HELQ: variants seen among roughly 807,000 people sequenced by gnomAD.
HELQ encodes the protein helicase POLQ-like.
In HELQ, 77 loss-of-function variants were observed where a neutral mutation model predicts 111.6. The observed-to-expected ratio is 0.69, with a 90% CI of 0.57 to 0.83. HELQ has a LOEUF of 0.83. Ranked by LOEUF, HELQ falls within the 40% of genes least tolerant of loss-of-function variation. HELQ has a pLI of 0.00. For missense variants in HELQ, 1,200 were observed against 1,288.5 expected (o/e 0.93, Z 1.05); for synonymous variants, 438 against 454.7 (o/e 0.96, Z 0.47).
intron 1 of HELQ, chr4:83,455,148 T>C (rs1379694169): frequency 1.7e-6 from 1 of 591,348 alleles, no homozygotes; most frequent in Non-Finnish European, 2.8e-6. Context: ...GAGCTGCAGT[T>C]ATCTGGAAGC....
chr4:83,447,008 C>A lies in HELQ; in HGVS notation c.1219G>T (p.Glu407Ter). 6.2e-7 allele frequency: 1 copy of A among 1,613,174 alleles called. No homozygotes were observed. The highest frequency in any genetic ancestry group is 1.1e-5 in the South Asian group (1 of 91,046). ...KISGLSSFGI[E>*]LGFFVEEYAG... ...TATTCTTCAACAAAGAAACCGAGTT[C>A]TATACCAAAACTTGACAAACCTGAA... The change falls in exon 4 of 18, where the codon GAA becomes TAA. Residue 407 changes from glutamate to a stop codon, truncating the protein, a stop_gained. Transcript: ENST00000295488. LOFTEE classifies it high-confidence loss of function.
At chr4:83,448,022 C>T (rs938651601) in intron 3 of HELQ, among the ~76,000 whole-genome samples, 2 of 151,856 alleles carry the variant, frequency 1.3e-5, no homozygotes, top group Non-Finnish European at 2.9e-5. Context: ...CCAGCCTGTC[C>T]AACATGATGA....
intron 15 of HELQ, among the ~76,000 whole-genome samples, 176 bp downstream of exon 15, chr4:83,421,387 G>A (rs1008032750): frequency 2.0e-5 from 3 of 152,154 alleles, no homozygotes; most frequent in African/African-American, 4.8e-5. Context: ...CATAATAGTA[G>A]TTTCATAAAC....
chr4:83,455,700 G>T lies in HELQ; in HGVS notation c.-7C>A. The T allele has an allele frequency of 6.2e-7, 1 of 1,601,308 alleles. No homozygotes were observed. Among genetic ancestry groups the T allele is most frequent in the South Asian group, 1.1e-5 (1 of 91,032 alleles). On this transcript the variant is annotated 5_prime_UTR_variant, in exon 1 of 18. Transcript: ENST00000295488. ...GGGAACCACATTCATCCATGGCAAG[G>T]ACCCAGGGCCCTATTCAGACGTCGT...
At chr4:83,441,057 G>C (rs1720730412) in intron 7 of HELQ, among the ~76,000 whole-genome samples, 1 of 152,160 alleles carries the variant, frequency 6.6e-6, no homozygotes, top group African/African-American at 2.4e-5. Flanking sequence ...CACGGTACTT[G>C]CTTACAGCAA....
rs115431889 is a variant in HELQ, at chr4:83,422,075, A to C, written c.2776-339T>G. Among the ~76,000 whole-genome samples, 280 of 151,836 alleles carry C rather than the reference A, an allele frequency of 1.8e-3. 1 individual carries two copies. The highest frequency in any genetic ancestry group is 2.4e-3 in the Non-Finnish European group (161 of 67,930). ...GTCTCCACAAAAAAACAAACAAAAA[A>C]CGTGGCCGGGTGTGGTGGCGCGCAC... On this transcript the variant is annotated intron_variant, in intron 14 of 17. Coordinates refer to ENST00000295488, the MANE Select transcript of HELQ (RefSeq NM_133636.5).
chr4:83,444,955 A>G (rs1191915245), intron 5 of HELQ, among the ~76,000 whole-genome samples: 2 of 152,210 alleles, frequency 1.3e-5, no homozygotes, highest in Admixed American at 6.5e-5. Context: ...GGGTACACAG[A>G]AGAACTTGGT....
intron 15 of HELQ, among the ~76,000 whole-genome samples, chr4:83,419,651 A>C (rs1339438907): frequency 6.6e-6 from 1 of 151,726 alleles, no homozygotes; most frequent in East Asian, 1.9e-4. Context: ...GTCGCAATGA[A>C]AACAAAGGGA....
chr4:83,437,207 C>A, intron 8 of HELQ, 110 bp from the exon 9 acceptor site: 1 of 1,019,292 alleles, frequency 9.8e-7, no homozygotes, highest in East Asian at 2.4e-5. Flanking sequence ...TGTACTATTT[C>A]CATTGAGTTA....
chr4:83,420,353 G>A (rs1020063299), intron 15 of HELQ, among the ~76,000 whole-genome samples: 1 of 152,154 alleles, frequency 6.6e-6, no homozygotes. Context: ...GAGAATATGG[G>A]CCAGGCGTGG....
chr4:83,419,804 C>G (rs147223555), intron 15 of HELQ, among the ~76,000 whole-genome samples: 1,608 of 152,052 alleles, frequency 0.011, 24 homozygotes, highest in African/African-American at 0.037. Context: ...GGGGTATAAA[C>G]CAACATTTAA....
intron 9 of HELQ, among the ~76,000 whole-genome samples, chr4:83,436,345 G>C (rs1314014484): frequency 6.6e-6 from 1 of 152,082 alleles, no homozygotes; most frequent in Non-Finnish European, 1.5e-5. Flanking sequence ...TATAAAAATT[G>C]ATCATTTATT....
At position 83,426,151 on chromosome 4, in the gene HELQ, T is replaced by A. The variant is rs866022517; in HGVS notation, c.2677-59A>T. On this transcript the variant is annotated intron_variant, in intron 13 of 17. Coordinates refer to ENST00000295488, the MANE Select transcript of HELQ (RefSeq NM_133636.5). ...CAAAAAATCTGTCATGTGAACCAAATCCAGTATTTCTTTTGATATCACATT... is the reference window on the plus strand; with the variant it reads ...CAAAAAATCTGTCATGTGAACCAAAACCAGTATTTCTTTTGATATCACATT... 1.5e-4 allele frequency: 125 copies of A among 840,778 alleles called. No homozygotes were observed. In the African/African-American group the frequency reaches 1.7e-3, roughly 11 times the overall value. 52.1% of individuals were successfully genotyped at this position (840,778 alleles called of 1,614,324 possible).
intron 15 of HELQ, among the ~76,000 whole-genome samples, chr4:83,420,511 G>T (rs967160101): frequency 6.6e-6 from 1 of 151,838 alleles, no homozygotes; most frequent in Admixed American, 6.6e-5. Flanking sequence ...TTGGTTGGGC[G>T]CTGTGGCTCA....
intron 11 of HELQ, among the ~76,000 whole-genome samples, chr4:83,431,030 C>T (rs1720115403): frequency 6.6e-6 from 1 of 152,160 alleles, no homozygotes; most frequent in South Asian, 2.1e-4. Flanking sequence ...TCCAGATTCT[C>T]CACTGATGCC....
At chr4:83,438,111 A>G (rs922945309) in intron 8 of HELQ, among the ~76,000 whole-genome samples, 4 of 152,222 alleles carry the variant, frequency 2.6e-5, no homozygotes, top group African/African-American at 9.6e-5. Flanking sequence ...ATATTTTGCT[A>G]TTCAATAAAT....
intron 5 of HELQ, 76 bp downstream of exon 5, chr4:83,445,938 C>T: frequency 2.2e-6 from 2 of 926,988 alleles, no homozygotes; most frequent in Non-Finnish European, 3.5e-6. Flanking sequence ...CATACTGTAG[C>T]TAGTGATAGA....
Position 83,437,005 on chromosome 4 carries a change from C to A in HELQ, c.1901G>T (p.Arg634Leu), listed in dbSNP as rs75013052. The A allele has an allele frequency of 6.2e-7, 1 of 1,613,910 alleles. No individual in the cohort carries two copies. The highest frequency in any genetic ancestry group is 8.5e-7 in the Non-Finnish European group (1 of 1,179,978). The change falls in exon 9 of 18, where the codon CGC becomes CTC. Residue 634 changes from arginine (R) to leucine (L), a missense_variant. By Grantham distance (102) the Arg-to-Leu change is moderately radical. This residue lies in a region of HELQ where 585 missense variants were observed against 665.3 expected (regional missense o/e 0.88). Coordinates refer to ENST00000295488, the MANE Select transcript of HELQ (RefSeq NM_133636.5). The stretch of plus-strand genomic sequence containing the variant: ...ATAGGCAACTCCAAATGGGATAGTG[C>A]GCTTTAAAACAGGACACAGGTTGCC... ...GNGNLCPVLKRTIPFGVAYHH... is the reference protein window; with the variant it reads ...GNGNLCPVLKLTIPFGVAYHH...
rs1235293798 is a variant in HELQ at position 83,407,386 on chromosome 4, TAA to T, written c.*65_*66del. On this transcript the variant is annotated 3_prime_UTR_variant, in exon 18 of 18. Transcript: ENST00000295488. ...AATGTATTTTTTCATTTATAAAGTATAAGTTATCTTTAATAACACACATGTAC... is the reference window on the plus strand; with the variant it reads ...AATGTATTTTTTCATTTATAAAGTATGTTATCTTTAATAACACACATGTAC... 4.5e-5 allele frequency: 44 copies of T among 987,942 alleles called. 1 individual carries two copies. The East Asian group carries it at 1.0e-3, about 23-fold the overall frequency. 61.2% of individuals were successfully genotyped at this position (987,942 alleles called of 1,614,324 possible). A position where few individuals can be genotyped will look rare whatever the true frequency, so the allele number is the denominator to read the frequency against.
Sources: gnomAD v4.1 joint callset for allele counts (sites outside exome capture counted in the v4.1 genomes callset) on GRCh38, gnomAD v4.1.1 for gene constraint, gnomAD v4.1.1 regional missense constraint, MANE v1.5 for transcripts, NCBI Gene and HGNC (gene_info 2026-07-23, HGNC 2026-07-21) for gene names.